ENKUR: variants seen among roughly 807,000 people sequenced by gnomAD.
ENKUR encodes the protein enkurin, TRPC channel interacting protein.
A neutral mutation model predicts 27.6 loss-of-function variants in ENKUR; 19 were observed. That is an observed-to-expected ratio of 0.69 (90% CI 0.48 to 1.01). The LOEUF (loss-of-function observed/expected upper bound fraction) is 1.01. ENKUR is among the 50% of genes least tolerant of loss of function. The pLI, the probability that ENKUR is intolerant of heterozygous loss-of-function variation, is 0.00. For missense variants in ENKUR, 312 were observed against 310.5 expected (o/e 1.00, Z -0.04); for synonymous variants, 117 against 96.9 (o/e 1.21, Z -1.22).
intron 1 of ENKUR, among the ~76,000 whole-genome samples, chr10:25,014,680 A>G (rs1588666864): frequency 6.6e-6 from 1 of 152,362 alleles, no homozygotes; most frequent in East Asian, 1.9e-4. Context: ...GGAATTTGAA[A>G]CCAAAAGTTG....
Position 25,015,974 on chromosome 10 carries a change from C to CT in ENKUR, c.-39dup. On this transcript the variant is annotated 5_prime_UTR_variant, in exon 1 of 6. Transcript: ENST00000331161. ...ACTCCTTAAAAGCTACTCTCCACAA[C>CT]TTTTTTCTCCCTGTCCCAGTATCTC... 1 of 1,587,520 alleles carries CT rather than the reference C, an allele frequency of 6.3e-7. No homozygotes were observed.
exon 2 of ENKUR, chr10:25,061,268 A>G (rs1851323786): frequency 1.2e-6 from 1 of 844,668 alleles, no homozygotes; most frequent in South Asian, 1.5e-5. Context: ...AGACACATCC[A>G]GATATGGAAA....
At chr10:25,019,377 G>A (rs991561763), upstream of ENKUR, among the ~76,000 whole-genome samples, 4 of 152,198 alleles carry the variant, frequency 2.6e-5, no homozygotes, top group Admixed American at 6.5e-5. Context: ...GGGAGGCTGA[G>A]GTGGGAGGAT....
chr10:25,059,356 T>C (rs1287173969), intron 2 of ENKUR, among the ~76,000 whole-genome samples: 3 of 152,074 alleles, frequency 2.0e-5, no homozygotes, highest in African/African-American at 4.8e-5. Context: ...AGTCTCCAAC[T>C]CCTGACCTCA....
At chr10:25,050,168 G>A (rs1162287512) in intron 2 of ENKUR, among the ~76,000 whole-genome samples, 1 of 152,180 alleles carries the variant, frequency 6.6e-6, no homozygotes, top group Non-Finnish European at 1.5e-5. Context: ...AAACCACTCA[G>A]AAGGGATCTG....
At chr10:25,031,894 G>C (rs977635770) in intron 2 of ENKUR, among the ~76,000 whole-genome samples, 2 of 150,742 alleles carry the variant, frequency 1.3e-5, no homozygotes, top group Non-Finnish European at 2.9e-5. Flanking sequence ...GACTGGGCTT[G>C]AGCTCATGGC....
At chr10:25,047,856 A>T (rs183248000) in intron 2 of ENKUR, among the ~76,000 whole-genome samples, 2 of 152,322 alleles carry the variant, frequency 1.3e-5, no homozygotes, top group East Asian at 3.9e-4. Flanking sequence ...ACATAGCATA[A>T]AAAGAAAGCA....
chr10:25,008,048 T>C (rs1378022082), intron 1 of ENKUR, among the ~76,000 whole-genome samples: 3 of 150,316 alleles, frequency 2.0e-5, no homozygotes, highest in Non-Finnish European at 3.0e-5. Context: ...GAAGGGCAGT[T>C]GGACAAAATG....
At chr10:24,998,987 C>T (rs7080371) in intron 2 of ENKUR, among the ~76,000 whole-genome samples, 5,618 of 152,226 alleles carry the variant, frequency 0.037, 249 homozygotes, top group African/African-American at 0.11. Flanking sequence ...CCAGTAGTTG[C>T]TTCAACAACT....
At chr10:25,027,381 A>C (rs865977409) in intron 2 of ENKUR, among the ~76,000 whole-genome samples, 2,937 of 140,554 alleles carry the variant, frequency 0.021, 101 homozygotes, top group African/African-American at 0.068. Context: ...AAAAAAAAAA[A>C]AAAAAACTAG....
chr10:24,985,858 A>G (rs1302366390), intron 4 of ENKUR, among the ~76,000 whole-genome samples: 2 of 152,200 alleles, frequency 1.3e-5, no homozygotes, highest in Non-Finnish European at 2.9e-5. Context: ...GCTTGAGCCC[A>G]GGAGTTCGAG....
chr10:25,017,217 C>T (rs748943874), upstream of ENKUR, among the ~76,000 whole-genome samples: 1 of 152,176 alleles, frequency 6.6e-6, no homozygotes, highest in East Asian at 1.9e-4. Flanking sequence ...TTTTTGGTGT[C>T]CCTTGTTGGA....
intron 1 of ENKUR, chr10:25,061,439 C>T (rs1425078867): frequency 5.8e-6 from 2 of 346,838 alleles, no homozygotes; most frequent in Non-Finnish European, 5.2e-6. Flanking sequence ...TCTCTTCCTC[C>T]TTCTGCTCCT....
Position 25,051,120 on chromosome 10 carries a change from C to G in ENKUR, c.37+9992G>C, listed in dbSNP as rs141204190. 9.9e-5 allele frequency among the ~76,000 whole-genome samples: 15 copies of G among 152,266 alleles called. No individual in the cohort carries two copies. In the East Asian group the frequency reaches 2.9e-3, roughly 29 times the overall value. ...AAACAGTACACAAAAGCTACATAAACGACCGTATAAAACTGAATGCAGTTG... is the reference window on the plus strand; with the variant it reads ...AAACAGTACACAAAAGCTACATAAAGGACCGTATAAAACTGAATGCAGTTG... On this transcript the variant is annotated intron_variant, in intron 2 of 5. Coordinates refer to the ENKUR transcript ENST00000615958.
intron 2 of ENKUR, among the ~76,000 whole-genome samples, chr10:25,049,006 C>A (rs1240677556): frequency 1.3e-5 from 2 of 151,956 alleles, no homozygotes. Flanking sequence ...TAAAGAATAG[C>A]GATTAAGAAG....
At chr10:25,056,119 C>T (rs1378588009) in intron 2 of ENKUR, among the ~76,000 whole-genome samples, 1 of 152,192 alleles carries the variant, frequency 6.6e-6, no homozygotes, top group African/African-American at 2.4e-5. Flanking sequence ...AAAACTGAGG[C>T]TCAGGAAGGT....
At chr10:24,988,664 G>GTATA (rs66687937) in intron 4 of ENKUR, among the ~76,000 whole-genome samples, 2 of 98,840 alleles carry the variant, frequency 2.0e-5, no homozygotes, top group Non-Finnish European at 4.3e-5. Context: ...CACAGCATAT[G>GTATA]TATATATATA....
intron 2 of ENKUR, among the ~76,000 whole-genome samples, chr10:25,059,465 T>C (rs893848858): frequency 1.3e-5 from 2 of 152,182 alleles, no homozygotes; most frequent in African/African-American, 2.4e-5. Flanking sequence ...TATTATACTA[T>C]GTATGGAGAT....
intron 2 of ENKUR, among the ~76,000 whole-genome samples, chr10:25,036,043 A>G (rs868574497): frequency 6.6e-6 from 1 of 152,218 alleles, no homozygotes; most frequent in African/African-American, 2.4e-5. Flanking sequence ...TGTGTGATAA[A>G]TACTATAATC....
Sources: allele counts gnomAD v4.1 joint callset (sites outside exome capture counted in the v4.1 genomes callset), GRCh38; gene constraint gnomAD v4.1.1; transcripts MANE v1.5; gene names NCBI Gene and HGNC (gene_info 2026-07-23, HGNC 2026-07-21).